Variants in STK31 observed in about 807,000 individuals in gnomAD.
STK31 encodes serine/threonine-protein kinase 31.
A neutral mutation model predicts 129.7 loss-of-function variants in STK31; 89 were observed. The ratio of observed to expected loss-of-function variants is 0.69; its 90% CI spans 0.58 to 0.82. STK31 has a LOEUF of 0.82. Ranked by LOEUF, STK31 falls within the 40% of genes least tolerant of loss-of-function variation. The pLI, the probability that STK31 is intolerant of heterozygous loss-of-function variation, is 0.00. For synonymous variants in STK31, 448 were observed against 395.3 expected (o/e 1.13, Z -1.58); for missense variants, 1,187 against 1,176.4 (o/e 1.01, Z -0.13).
chr7:23,787,837 C>T (rs1033960106), intron 20 of STK31, 143 bp from the exon 21 acceptor site: 3 of 698,498 alleles, frequency 4.3e-6, no homozygotes, highest in Non-Finnish European at 6.3e-6. Flanking sequence ...TTCATCTGGT[C>T]TTTCTCTATG....
chr7:23,758,558 T>C (rs1267480358), intron 10 of STK31, among the ~76,000 whole-genome samples: 1 of 152,160 alleles, frequency 6.6e-6, no homozygotes, highest in Non-Finnish European at 1.5e-5. Flanking sequence ...TTAATTGTGA[T>C]GTTAAGGTGT....
chr7:23,760,607 A>T (rs1789406028), intron 10 of STK31, among the ~76,000 whole-genome samples: 1 of 152,206 alleles, frequency 6.6e-6, no homozygotes, highest in South Asian at 2.1e-4. Flanking sequence ...AAACAGGCTT[A>T]CAAGGGTAAG....
chr7:23,789,875 A>G (rs991559276), intron 21 of STK31, among the ~76,000 whole-genome samples: 1 of 152,134 alleles, frequency 6.6e-6, no homozygotes, highest in African/African-American at 2.4e-5. Flanking sequence ...ATTCTGAAAT[A>G]TTGATCAAAC....
intron 3 of STK31, among the ~76,000 whole-genome samples, chr7:23,714,837 C>T (rs562700906): frequency 1.9e-3 from 294 of 151,602 alleles, no homozygotes; most frequent in African/African-American, 6.8e-3. Context: ...TTAGGCCATA[C>T]AGTTTGTTTT....
At chr7:23,820,765 A>G (rs1187397725) in intron 23 of STK31, among the ~76,000 whole-genome samples, 3 of 152,216 alleles carry the variant, frequency 2.0e-5, no homozygotes, top group Non-Finnish European at 2.9e-5. Context: ...ATGAGTGAGA[A>G]CATTTGATAT....
chr7:23,795,482 G>T (rs561352832), intron 22 of STK31, among the ~76,000 whole-genome samples: 1 of 152,318 alleles, frequency 6.6e-6, no homozygotes, highest in African/African-American at 2.4e-5. Context: ...GTGCAAAACG[G>T]AAATGAGGGG....
At chr7:23,821,827 A>G (rs1446048048) in intron 23 of STK31, among the ~76,000 whole-genome samples, 1 of 151,952 alleles carries the variant, frequency 6.6e-6, no homozygotes, top group African/African-American at 2.4e-5. Context: ...ATTGATTTTT[A>G]TATATGGTGA....
chr7:23,732,723 A>G lies in STK31; in HGVS notation c.484-2815A>G, dbSNP rs956680846. Among the ~76,000 whole-genome samples the G allele has an allele frequency of 3.9e-5, 6 of 152,338 alleles. No homozygotes were observed. The South Asian group carries it at 1.2e-3, about 32-fold the overall frequency. ...TTAGGTAATTGAAACTTTTGTAGACAATAGGTTATTTCCATTTGAATTCAC... is the reference window on the plus strand; with the variant it reads ...TTAGGTAATTGAAACTTTTGTAGACGATAGGTTATTTCCATTTGAATTCAC... On this transcript the variant is annotated intron_variant, in intron 6 of 23. Coordinates refer to ENST00000355870, the MANE Select transcript of STK31 (RefSeq NM_031414.5).
chr7:23,720,359 T>TC (rs755041055), intron 4 of STK31, among the ~76,000 whole-genome samples: 1 of 152,174 alleles, frequency 6.6e-6, no homozygotes, highest in Non-Finnish European at 1.5e-5. Flanking sequence ...AGTTGGAAGT[T>TC]CCGTTTGCTA....
At chr7:23,829,020 C>T (rs889797107) in intron 23 of STK31, among the ~76,000 whole-genome samples, 2 of 151,932 alleles carry the variant, frequency 1.3e-5, no homozygotes, top group South Asian at 4.2e-4. Context: ...TTGCCTCAGC[C>T]TTGCCAAGTA....
chr7:23,797,848 AATAG>A (rs1417404035), intron 22 of STK31, among the ~76,000 whole-genome samples: 9 of 152,342 alleles, frequency 5.9e-5, no homozygotes, highest in East Asian at 1.9e-4. Context: ...AGATTAACAA[AATAG>A]ATAGACCACT....
At chr7:23,786,444 A>C in intron 18 of STK31, 64 bp from the exon 19 acceptor site, 1 of 1,395,930 alleles carries the variant, frequency 7.2e-7, no homozygotes, top group Non-Finnish European at 9.5e-7. Context: ...TTAAATTGGA[A>C]TGATGTATAA....
chr7:23,750,506 G>T (rs1268075503), intron 8 of STK31, among the ~76,000 whole-genome samples: 1 of 152,088 alleles, frequency 6.6e-6, no homozygotes, highest in South Asian at 2.1e-4. Context: ...AAAACCTGAA[G>T]TCCCCATATT....
intron 23 of STK31, among the ~76,000 whole-genome samples, chr7:23,824,809 C>A (rs10239753): frequency 6.6e-6 from 1 of 150,684 alleles, no homozygotes; most frequent in Non-Finnish European, 1.5e-5. Flanking sequence ...TAGCATGAAG[C>A]GTTGTTGAAT....
intron 1 of STK31, chr7:23,710,822 G>C: frequency 1.0e-6 from 1 of 995,322 alleles, no homozygotes; most frequent in East Asian, 9.9e-5. Context: ...TAGCTTCTTG[G>C]AGTGTGTGGA....
At chr7:23,754,056 A>AC (rs1788896168) in intron 9 of STK31, among the ~76,000 whole-genome samples, 1 of 152,014 alleles carries the variant, frequency 6.6e-6, no homozygotes, top group Non-Finnish European at 1.5e-5. Context: ...ATTTTTTCAT[A>AC]TTTTTTATGT....
intron 21 of STK31, among the ~76,000 whole-genome samples, chr7:23,788,540 G>T (rs1791433714): frequency 6.6e-6 from 1 of 151,966 alleles, no homozygotes; most frequent in Admixed American, 6.6e-5. Context: ...TTAGAAACCG[G>T]GGAACCTTGG....
intron 8 of STK31, among the ~76,000 whole-genome samples, chr7:23,748,376 T>G (rs139371260): frequency 1.3e-5 from 2 of 152,210 alleles, no homozygotes; most frequent in African/African-American, 4.8e-5. Context: ...GGTGGCGTAT[T>G]TTGGTGAATC....
In STK31 at chr7:23,754,442, G is replaced by T; in HGVS notation, c.1261G>T (p.Ala421Ser). The part of the protein sequence containing the change: ...LEIIWAEYSL[A>S]QENIKTCEYV... ...GATAATATGGGCAGAATACAGTCTG[G>T]CTCAGGAGAATATTAAAACTTGTGA... is the stretch of plus-strand genomic sequence containing the variant. Residue 421 changes from alanine to serine, a missense_variant, in exon 10 of 24, where the codon GCT (alanine) becomes TCT (serine). Physicochemically the swap from Ala to Ser is moderately conservative, Grantham distance 99. This residue lies in a region of STK31 where 975 missense variants were observed against 934.9 expected (regional missense o/e 1.04). Coordinates refer to ENST00000355870, the MANE Select transcript of STK31 (RefSeq NM_031414.5). 6.2e-7 allele frequency: 1 copy of T among 1,611,964 alleles called. No individual in the cohort carries two copies. Among genetic ancestry groups the T allele is most frequent in the Non-Finnish European group, 8.5e-7 (1 of 1,179,550 alleles).
Sources: gnomAD v4.1 joint callset for allele counts (sites outside exome capture counted in the v4.1 genomes callset) on GRCh38, gnomAD v4.1.1 for gene constraint, gnomAD v4.1.1 regional missense constraint, MANE v1.5 for transcripts, NCBI Gene and HGNC (gene_info 2026-07-23, HGNC 2026-07-21) for gene names.